RNF126: variants seen among roughly 807,000 people sequenced by gnomAD.
RNF126 encodes the protein E3 ubiquitin-protein ligase RNF126.
RNF126 carries 20 observed loss-of-function variants against 41.9 expected under a neutral mutation model. That is an observed-to-expected ratio of 0.48 (90% CI 0.34 to 0.69). The LOEUF (loss-of-function observed/expected upper bound fraction) is 0.69, where lower values mean the gene tolerates loss of function less well. Ranked by LOEUF, RNF126 falls within the 30% of genes least tolerant of loss-of-function variation. The pLI, the probability that RNF126 is intolerant of heterozygous loss-of-function variation, is 0.01. For missense variants in RNF126, 433 were observed against 460.6 expected (o/e 0.94, Z 0.55); for synonymous variants, 239 against 202.9 (o/e 1.18, Z -1.51).
At chr19:653,935 C>G (rs962832170) in intron 1 of RNF126, among the ~76,000 whole-genome samples, 9 of 152,186 alleles carry the variant, frequency 5.9e-5, no homozygotes, top group Non-Finnish European at 1.3e-4. Flanking sequence ...TGGGGGAGTG[C>G]TGTGAGGGGA....
At chr19:658,588 C>T (rs892398846) in intron 1 of RNF126, among the ~76,000 whole-genome samples, 2 of 152,184 alleles carry the variant, frequency 1.3e-5, no homozygotes, top group Non-Finnish European at 2.9e-5. Context: ...GCACGTGCGG[C>T]GCCTGCACCC....
chr19:648,339 C>CGGGGCGGGGGGGGGGGGGGGGGG, intron 8 of RNF126, 33 bp downstream of exon 8: 1 of 302,226 alleles, frequency 3.3e-6, no homozygotes, highest in Non-Finnish European at 4.4e-6. Context: ...GGGCCGCGGT[C>CGGGGCGGGGGGGGGGGGGGGGGG]GGGGTGGGGG....
chr19:652,791 G>C (rs947428484), intron 2 of RNF126, 35 bp downstream of exon 2: 1 of 1,602,656 alleles, frequency 6.2e-7, no homozygotes, highest in Non-Finnish European at 8.5e-7. Flanking sequence ...GGCCCGGCTG[G>C]CTCTTCCAGC....
At chr19:652,922 C>G (rs774497524) in intron 1 of RNF126, 38 bp from the exon 2 acceptor site, 12 of 1,586,816 alleles carry the variant, frequency 7.6e-6, no homozygotes, top group Admixed American at 6.8e-5. Context: ...ACGGTGACGC[C>G]GGCATCACCT....
At chr19:658,876 C>T (rs945492259) in intron 1 of RNF126, among the ~76,000 whole-genome samples, 2 of 152,192 alleles carry the variant, frequency 1.3e-5, no homozygotes, top group African/African-American at 4.8e-5. Context: ...TGCTACGGCT[C>T]GCCCGAGGCT....
chr19:655,752 T>C (rs566660025), intron 1 of RNF126, among the ~76,000 whole-genome samples: 4 of 152,082 alleles, frequency 2.6e-5, no homozygotes, highest in South Asian at 4.2e-4. Context: ...TGGCCAGAAC[T>C]GGCAGGTGAG....
At position 660,907 on chromosome 19, in the gene RNF126, C is replaced by T. The variant is rs777552430; in HGVS notation, c.75+2140G>A. Among the ~76,000 whole-genome samples, 148 of 152,388 alleles carry T rather than the reference C, an allele frequency of 9.7e-4. 1 individual carries two copies. The highest frequency in any genetic ancestry group is 2.0e-3 in the Non-Finnish European group (136 of 68,046). On this transcript the variant is annotated intron_variant, in intron 1 of 8. Coordinates refer to ENST00000292363, the MANE Select transcript of RNF126 (RefSeq NM_194460.3). ...TTGCGTCCTGCTCCAAAGGCACAAG[C>T]AGATGCCCTTGGGATCACCCGCGGG...
At chr19:653,244 G>T (rs1266584596) in intron 1 of RNF126, among the ~76,000 whole-genome samples, 3 of 152,106 alleles carry the variant, frequency 2.0e-5, no homozygotes, top group Admixed American at 1.3e-4. Context: ...TCGGAGGGGT[G>T]CCCCAATACC....
Position 659,211 on chromosome 19 carries a change from C to T in RNF126, c.75+3836G>A, listed in dbSNP as rs915454518. Among the ~76,000 whole-genome samples the T allele has an allele frequency of 3.9e-5, 6 of 152,278 alleles. No homozygotes were observed. Among genetic ancestry groups the T allele is most frequent in the East Asian group, 3.9e-4 (2 of 5,176 alleles). ...GCAGCGGCCAGAGACAGACCCAGGC[C>T]GTCTTCTGAAGACTCGGGCCAGGCC... On this transcript the variant is annotated intron_variant, in intron 1 of 8. Coordinates refer to ENST00000292363, the MANE Select transcript of RNF126 (RefSeq NM_194460.3). This position sits in a 1 kb window ranked among gnomAD's most constrained non-coding sequence, Gnocchi z 4.9.
In RNF126 at chr19:663,043, T is replaced by A; in HGVS notation, c.75+4A>T. ...GCCGCCCGCCGCCCCGGCCCGGGCC[T>A]CACCGGCAGGCGCGGGACGATCTCC... On this transcript the variant is annotated splice_donor_region_variant and intron_variant, in intron 1 of 8. Coordinates refer to ENST00000292363, the MANE Select transcript of RNF126 (RefSeq NM_194460.3). 7.3e-7 allele frequency: 1 copy of A among 1,361,714 alleles called. No individual in the cohort carries two copies. The highest frequency in any genetic ancestry group is 9.5e-7 in the Non-Finnish European group (1 of 1,051,320). 84.4% of individuals were successfully genotyped at this position (1,361,714 alleles called of 1,614,324 possible).
intron 5 of RNF126, 21 bp downstream of exon 5, chr19:650,213 C>A (rs373501267): frequency 4.6e-5 from 72 of 1,557,008 alleles, no homozygotes; most frequent in Non-Finnish European, 6.0e-5. Context: ...GGGATGGGGA[C>A]AGGCACCCCC....
intron 1 of RNF126, among the ~76,000 whole-genome samples, chr19:661,168 A>C (rs762809789): frequency 1.3e-5 from 2 of 152,336 alleles, no homozygotes; most frequent in Middle Eastern, 3.4e-3. Context: ...TCCGTGTCCA[A>C]GGCCACGGGG....
intron 1 of RNF126, among the ~76,000 whole-genome samples, chr19:660,844 G>A (rs2030770594): frequency 6.6e-6 from 1 of 152,208 alleles, no homozygotes. Context: ...CACGTACGGA[G>A]AAGTTCTGAC....
rs531786205 is a variant in RNF126, at chr19:652,542, C to T, written c.135-246G>A. ...AAGCGTGAGAATGTGGGTAGGGCCC[C>T]CGTGGCCCCTTCCCCGGAGGGCCTG... On this transcript the variant is annotated intron_variant, in intron 2 of 8. Transcript: ENST00000292363. 9.4e-4 allele frequency: 569 copies of T among 602,552 alleles called. 4 individuals are homozygous for T. The African/African-American group carries it at 9.7e-3, about 10-fold the overall frequency. 37.3% of individuals were successfully genotyped at this position (602,552 alleles called of 1,614,324 possible).
Position 651,868 on chromosome 19 carries a change from G to A in RNF126, c.199-13C>T, listed in dbSNP as rs376866890. 1.1e-5 allele frequency: 17 copies of A among 1,599,266 alleles called. No individual in the cohort carries two copies. The highest frequency in any genetic ancestry group is 1.7e-5 in the Admixed American group (1 of 59,418). On this transcript the variant is annotated splice_polypyrimidine_tract_variant and intron_variant, in intron 3 of 8. Coordinates refer to ENST00000292363, the MANE Select transcript of RNF126 (RefSeq NM_194460.3). Reference sequence around the variant, plus strand: ...GCTGGTCCACGTGCTGGGGAGAGGAGGGGGGCGTGACCTCGGGGGCTCAGG... The same window carrying A: ...GCTGGTCCACGTGCTGGGGAGAGGAAGGGGGCGTGACCTCGGGGGCTCAGG...
Position 648,364 on chromosome 19 carries a change from G to GGGGGGC in RNF126, c.786+7_786+8insGCCCCC. ...CGGGGTGGGGGGGCGGGTGGGCGGGGCACTCACCTGCTCCAGCCAGGGCAC... is the reference window on the plus strand; with the variant it reads ...CGGGGTGGGGGGGCGGGTGGGCGGGGGGGGGCCACTCACCTGCTCCAGCCAGGGCAC... On this transcript the variant is annotated splice_region_variant and intron_variant, in intron 8 of 8. Transcript: ENST00000292363. 1 of 510,486 alleles carries GGGGGGC rather than the reference G, an allele frequency of 2.0e-6. No homozygotes were observed. Among genetic ancestry groups the GGGGGGC allele is most frequent in the Non-Finnish European group, 3.6e-6 (1 of 278,354 alleles). 31.6% of individuals were successfully genotyped at this position (510,486 alleles called of 1,614,324 possible). A position where few individuals can be genotyped will look rare whatever the true frequency, so the allele number is the denominator to read the frequency against.
At chr19:652,111 G>C in intron 3 of RNF126, 122 bp downstream of exon 3, 1 of 908,080 alleles carries the variant, frequency 1.1e-6, no homozygotes, top group South Asian at 1.9e-5. Flanking sequence ...GGCCCCTGGA[G>C]GGAAAAATTT....
At position 652,818 on chromosome 19, in the gene RNF126, T is replaced by C. The variant is rs2030384640; in HGVS notation, c.134+8A>G. 6.2e-7 allele frequency: 1 copy of C among 1,612,492 alleles called. No homozygotes were observed. The highest frequency in any genetic ancestry group is 8.5e-7 in the Non-Finnish European group (1 of 1,179,382). The stretch of plus-strand genomic sequence containing the variant: ...TCTTCCAGCCTCTTCAACAGGGGGC[T>C]GCATTACCTGGTCTCTTCCGGAAGC... On this transcript the variant is annotated splice_region_variant and intron_variant, in intron 2 of 8. Coordinates refer to ENST00000292363, the MANE Select transcript of RNF126 (RefSeq NM_194460.3).
chr19:654,062 TG>T (rs2030450001), intron 1 of RNF126, among the ~76,000 whole-genome samples: 1 of 152,146 alleles, frequency 6.6e-6, no homozygotes, highest in Non-Finnish European at 1.5e-5. Context: ...CCACTGACTC[TG>T]GGGAGAAGCG....
Sources: allele counts gnomAD v4.1 joint callset (sites outside exome capture counted in the v4.1 genomes callset), GRCh38; gene constraint gnomAD v4.1.1; non-coding constraint Gnocchi (gnomAD v3.1); transcripts MANE v1.5; gene names NCBI Gene and HGNC (gene_info 2026-07-23, HGNC 2026-07-21).